WDR70: variants seen among roughly 807,000 people sequenced by gnomAD.
WDR70 encodes WD repeat-containing protein 70.
Under a neutral mutation model 88.6 loss-of-function variants are expected in WDR70, and 53 were observed. The ratio of observed to expected loss-of-function variants is 0.60; its 90% CI spans 0.48 to 0.75. WDR70 has a LOEUF of 0.75. WDR70 is among the 30% of genes least tolerant of loss of function. The pLI, the probability that WDR70 is intolerant of heterozygous loss-of-function variation, is 0.00. For missense variants in WDR70, 610 were observed against 823.2 expected (o/e 0.74, Z 3.17); for synonymous variants, 280 against 270.0 (o/e 1.04, Z -0.36).
chr5:37,444,962 C>T (rs1467915489), intron 7 of WDR70, among the ~76,000 whole-genome samples: 4 of 152,090 alleles, frequency 2.6e-5, no homozygotes, highest in African/African-American at 7.2e-5. Context: ...TGACAGGAGC[C>T]GGAGCTCAGG....
chr5:37,568,894 T>G (rs1742819853), intron 9 of WDR70, among the ~76,000 whole-genome samples: 1 of 152,162 alleles, frequency 6.6e-6, no homozygotes, highest in Non-Finnish European at 1.5e-5. Context: ...GTATGTCAAT[T>G]ATGAAACTAA....
At chr5:37,537,096 C>T (rs1331992718) in intron 9 of WDR70, among the ~76,000 whole-genome samples, 3 of 152,052 alleles carry the variant, frequency 2.0e-5, no homozygotes, top group Admixed American at 2.0e-4. Flanking sequence ...AATTGTTTTT[C>T]AAAGTTTGCT....
chr5:37,615,644 G>C (rs1225667009), intron 10 of WDR70, among the ~76,000 whole-genome samples: 1 of 152,158 alleles, frequency 6.6e-6, no homozygotes, highest in Non-Finnish European at 1.5e-5. Context: ...ATTTATTCCA[G>C]ACATACATTC....
At chr5:37,705,462 C>T (rs1340325231) in intron 13 of WDR70, among the ~76,000 whole-genome samples, 1 of 151,966 alleles carries the variant, frequency 6.6e-6, no homozygotes, top group African/African-American at 2.4e-5. Flanking sequence ...GGAACAAAAC[C>T]ACACACCCCA....
At chr5:37,722,714 GC>G (rs1747857538) in intron 14 of WDR70, 140 bp from the exon 15 acceptor site, 1 of 699,982 alleles carries the variant, frequency 1.4e-6, no homozygotes, top group African/African-American at 1.8e-5. Context: ...CCCATCTGTT[GC>G]CATCCCTCAG....
intron 7 of WDR70, among the ~76,000 whole-genome samples, chr5:37,461,603 C>T (rs1739006883): frequency 6.6e-6 from 1 of 152,008 alleles, no homozygotes; most frequent in East Asian, 1.9e-4. Context: ...CCTGCCTCAG[C>T]CACCTGAGGA....
At chr5:37,705,586 G>A (rs1747299414) in intron 13 of WDR70, among the ~76,000 whole-genome samples, 1 of 151,900 alleles carries the variant, frequency 6.6e-6, no homozygotes, top group South Asian at 2.1e-4. Context: ...AATAAATGGG[G>A]CTTTTAACAG....
intron 10 of WDR70, among the ~76,000 whole-genome samples, chr5:37,678,806 G>A (rs1409649433): frequency 6.6e-6 from 1 of 152,228 alleles, no homozygotes; most frequent in Admixed American, 6.5e-5. Context: ...AAATTCTCCT[G>A]GATAATATCC....
chr5:37,443,628 G>A (rs572680679), intron 7 of WDR70, among the ~76,000 whole-genome samples: 3 of 152,312 alleles, frequency 2.0e-5, no homozygotes, highest in South Asian at 4.1e-4. Context: ...CGAGGCAGGC[G>A]GATCACCTGA....
At position 37,514,343 on chromosome 5, in the gene WDR70, T is replaced by TAC. The variant is rs1561882662; in HGVS notation, c.841-2170_841-2169insCA. ...ATTATGGCATATTTAGAACTACATA[T>TAC]ATATATATATATATATGTATGTATG... On this transcript the variant is annotated intron_variant, in intron 8 of 17. Transcript: ENST00000265107. Among the ~76,000 whole-genome samples, 54 of 68,784 alleles carry TAC rather than the reference T, an allele frequency of 7.9e-4. 3 individuals carry two copies. The highest frequency in any genetic ancestry group is 1.8e-3 in the African/African-American group (51 of 27,886). The allele number at this position is 68,784 out of a possible 152,430, so 45.1% of individuals were successfully genotyped here.
intron 7 of WDR70, among the ~76,000 whole-genome samples, chr5:37,468,787 G>A (rs753637958): frequency 1.3e-5 from 2 of 151,972 alleles, no homozygotes; most frequent in Non-Finnish European, 2.9e-5. Flanking sequence ...CTTTTTTCTT[G>A]TCCTTATTCC....
At chr5:37,483,058 T>C (rs1246710630) in intron 8 of WDR70, among the ~76,000 whole-genome samples, 1 of 149,154 alleles carries the variant, frequency 6.7e-6, no homozygotes, top group East Asian at 2.0e-4. Context: ...AGACACCCTG[T>C]CTCTTAATTT....
intron 12 of WDR70, among the ~76,000 whole-genome samples, 187 bp from the exon 13 acceptor site, chr5:37,702,762 C>A (rs558874859): frequency 1.3e-5 from 2 of 152,290 alleles, no homozygotes; most frequent in African/African-American, 4.8e-5. Flanking sequence ...GTTCCCTCAT[C>A]AGTAAAATGT....
At chr5:37,384,701 T>C (rs1467354928) in intron 3 of WDR70, among the ~76,000 whole-genome samples, 2 of 150,864 alleles carry the variant, frequency 1.3e-5, no homozygotes, top group Non-Finnish European at 2.9e-5. Context: ...CACCATGTTG[T>C]CCAGGCCAGT....
intron 8 of WDR70, among the ~76,000 whole-genome samples, chr5:37,508,311 C>T (rs1320131186): frequency 6.6e-6 from 1 of 152,148 alleles, no homozygotes; most frequent in Non-Finnish European, 1.5e-5. Context: ...AGCTTTCTGT[C>T]TCCTGACCAT....
chr5:37,743,233 G>A lies in WDR70; in HGVS notation c.1878-9253G>A, dbSNP rs113250344. ...CCCCCTCCCCCAAGCTAAGGGAGGCGGTGAGTGAACACGCTATCCAGCTGG... is the reference window on the plus strand; with the variant it reads ...CCCCCTCCCCCAAGCTAAGGGAGGCAGTGAGTGAACACGCTATCCAGCTGG... On this transcript the variant is annotated intron_variant, in intron 17 of 17. Coordinates refer to ENST00000265107, the MANE Select transcript of WDR70 (RefSeq NM_018034.4). Among the ~76,000 whole-genome samples the A allele has an allele frequency of 8.3e-3, 1,260 of 152,260 alleles. 18 individuals carry two copies. The highest frequency in any genetic ancestry group is 0.026 in the African/African-American group (1,086 of 41,544).
chr5:37,561,542 G>A (rs1281027381), intron 9 of WDR70, among the ~76,000 whole-genome samples: 2 of 152,200 alleles, frequency 1.3e-5, no homozygotes, highest in African/African-American at 2.4e-5. Context: ...TGGAGTGATA[G>A]TTCTCTAGAA....
chr5:37,714,516 A>C (rs1747601669), intron 13 of WDR70, among the ~76,000 whole-genome samples: 1 of 96,080 alleles, frequency 1.0e-5, no homozygotes, highest in South Asian at 3.4e-4. Flanking sequence ...CCTCTTCTCT[A>C]GAAATGACTA....
At position 37,566,401 on chromosome 5, in the gene WDR70, G is replaced by GT. The variant is rs1685817147; in HGVS notation, c.918-38658dup. Among the ~76,000 whole-genome samples the GT allele has an allele frequency of 2.0e-5, 3 of 151,840 alleles. No homozygotes were observed. In the South Asian group the frequency reaches 6.2e-4, roughly 32 times the overall value. On this transcript the variant is annotated intron_variant, in intron 9 of 17. Coordinates refer to ENST00000265107, the MANE Select transcript of WDR70 (RefSeq NM_018034.4). ...TAAGAGCTTGTTGAATCTACCTCTT[G>GT]TTTTTGTTTTGAAAATTTGAGATAA...
Sources: gnomAD v4.1 joint callset for allele counts (sites outside exome capture counted in the v4.1 genomes callset) on GRCh38, gnomAD v4.1.1 for gene constraint, MANE v1.5 for transcripts, NCBI Gene and HGNC (gene_info 2026-07-23, HGNC 2026-07-21) for gene names.